CSMD1: variants seen among roughly 807,000 people sequenced by gnomAD.
The protein encoded by CSMD1 is CUB and sushi domain-containing protein 1.
In CSMD1, 213 loss-of-function variants were observed where a neutral mutation model predicts 417.5. The ratio of observed to expected loss-of-function variants is 0.51; its 90% CI spans 0.46 to 0.57. The LOEUF (loss-of-function observed/expected upper bound fraction) is 0.57. Ranked by LOEUF, CSMD1 falls within the 20% of genes least tolerant of loss-of-function variation. The pLI is 0.00. For synonymous variants in CSMD1, 2,862 were observed against 1,736.8 expected, an observed-to-expected ratio of 1.65 and a Z score of -16.11; for missense variants, 6,923 against 4,529.7, an observed-to-expected ratio of 1.53 and a Z score of -15.17.
chr8:4,421,735 C>T lies in CSMD1; in HGVS notation c.303-1670G>A, dbSNP rs1392945474. Among the ~76,000 whole-genome samples the T allele has an allele frequency of 3.3e-5, 5 of 151,678 alleles. No individual in the cohort carries two copies. In the East Asian group the frequency reaches 7.7e-4, roughly 24 times the overall value. On this transcript the variant is annotated intron_variant, in intron 2 of 69. Coordinates refer to ENST00000635120, the MANE Select transcript of CSMD1 (RefSeq NM_033225.6). ...ACTAAAAACACAGCTTAGAAAAACT[C>T]CCAAATCCCTAATCCAAATTCTTAT... is the stretch of plus-strand genomic sequence containing the variant.
rs767961947 is a variant in CSMD1 at position 3,586,202 on chromosome 8, T to A, written c.1156A>T (p.Ser386Cys). The part of the protein sequence containing the change: ...EDNYVLQGSK[S>C]ITCQRVTETL... ...TCTGTAACTCTCTGACAGGTGATGCTTTTAGATCCCTGGAGCACGTAATTG... is the reference window on the plus strand; with the variant it reads ...TCTGTAACTCTCTGACAGGTGATGCATTTAGATCCCTGGAGCACGTAATTG... Residue 386 changes from serine to cysteine, a missense_variant, in exon 9 of 70, where the codon AGC becomes TGC. Ser to Cys is a moderately radical substitution (Grantham distance 112). Transcript: ENST00000635120. 6.2e-7 allele frequency: 1 copy of A among 1,612,994 alleles called. No homozygotes were observed. Among genetic ancestry groups the A allele is most frequent in the Non-Finnish European group, 8.5e-7 (1 of 1,179,474 alleles).
At position 3,490,617 on chromosome 8, in the gene CSMD1, A is replaced by G. The variant is rs184919738; in HGVS notation, c.1448+3006T>C. On this transcript the variant is annotated intron_variant, in intron 11 of 69. Coordinates refer to ENST00000635120, the MANE Select transcript of CSMD1 (RefSeq NM_033225.6). ...CACAGGCTGGAAAAGTTTATTATAC[A>G]TATTTTATAGCCAGGAAAAGACAGG... 1.2e-3 allele frequency among the ~76,000 whole-genome samples: 184 copies of G among 152,298 alleles called. 1 individual carries two copies. Among genetic ancestry groups the G allele is most frequent in the African/African-American group, 4.2e-3 (175 of 41,576 alleles).
At chr8:4,517,447 G>C (rs1005326577) in intron 2 of CSMD1, among the ~76,000 whole-genome samples, 1 of 152,172 alleles carries the variant, frequency 6.6e-6, no homozygotes, top group Non-Finnish European at 1.5e-5. Flanking sequence ...GTATTTCACA[G>C]AGATGTGATC....
chr8:3,212,484 G>C (rs2116804323), intron 30 of CSMD1, among the ~76,000 whole-genome samples: 1 of 152,218 alleles, frequency 6.6e-6, no homozygotes, highest in South Asian at 2.1e-4. Context: ...AAGCAGCTGG[G>C]ACTACAGGCA....
intron 5 of CSMD1, among the ~76,000 whole-genome samples, chr8:3,914,916 C>T (rs1403511971): frequency 6.6e-6 from 1 of 152,066 alleles, no homozygotes; most frequent in Non-Finnish European, 1.5e-5. Flanking sequence ...TCAATAATTA[C>T]TGATTGAACT....
chr8:4,370,171 GA>G (rs1554448724), intron 3 of CSMD1, among the ~76,000 whole-genome samples: 2 of 152,086 alleles, frequency 1.3e-5, no homozygotes, highest in Non-Finnish European at 2.9e-5. Context: ...TGGCTTTCCT[GA>G]AAAGAATTTC....
At chr8:4,035,726 G>C (rs542912391) in intron 3 of CSMD1, among the ~76,000 whole-genome samples, 1 of 152,312 alleles carries the variant, frequency 6.6e-6, no homozygotes, top group South Asian at 2.1e-4. Context: ...TTACGGAAGA[G>C]TCAAATGCTT....
At chr8:4,336,041 T>C (rs1432789925) in intron 3 of CSMD1, among the ~76,000 whole-genome samples, 1 of 152,098 alleles carries the variant, frequency 6.6e-6, no homozygotes, top group Non-Finnish European at 1.5e-5. Flanking sequence ...TTTCCAAACT[T>C]CCTCCCTGTC....
rs555734540 is a variant in CSMD1, at chr8:4,635,961, G to C, written c.302+1381C>G. ...GTAGATGACTCAGAAAAAAAACTAG[G>C]TGTTTGAAAGTGGGTGAAAAAATGC... is the stretch of plus-strand genomic sequence containing the variant. On this transcript the variant is annotated intron_variant, in intron 2 of 69. Transcript: ENST00000635120. Among the ~76,000 whole-genome samples, 34 of 151,882 alleles carry C rather than the reference G, an allele frequency of 2.2e-4. 1 individual carries two copies. In the South Asian group the frequency reaches 6.2e-3, roughly 28 times the overall value.
At chr8:3,149,868 G>T (rs1207377452) in intron 40 of CSMD1, among the ~76,000 whole-genome samples, 1 of 152,158 alleles carries the variant, frequency 6.6e-6, no homozygotes, top group Non-Finnish European at 1.5e-5. Flanking sequence ...GATAGCTGCA[G>T]TTTGCCTCAG....
intron 1 of CSMD1, among the ~76,000 whole-genome samples, chr8:4,638,142 G>A (rs1266595905): frequency 6.6e-6 from 1 of 152,124 alleles, no homozygotes; most frequent in Non-Finnish European, 1.5e-5. Context: ...TTAAAATACA[G>A]CCTCATCAAT....
chr8:3,387,631 C>A lies in CSMD1; in HGVS notation c.2645G>T (p.Gly882Val). The A allele has an allele frequency of 6.3e-7, 1 of 1,599,966 alleles. No homozygotes were observed. Among genetic ancestry groups the A allele is most frequent in the Non-Finnish European group, 8.5e-7 (1 of 1,173,134 alleles). ...SCLDPGIPVN[G>V]HRHGGDFGIR... is the part of the protein sequence containing the mutation. ...GCCAAAGTCTCCACCGTGGCGATGG[C>A]CGTTCACAGGGATGCCCGGGTCCAG... The change falls in exon 18 of 70, where the codon GGC (glycine) becomes GTC (valine). Residue 882 changes from glycine (G) to valine (V), a missense_variant. Physicochemically the swap from Gly to Val is moderately radical, Grantham distance 109. Transcript: ENST00000635120.
intron 37 of CSMD1, among the ~76,000 whole-genome samples, chr8:3,177,466 A>C (rs983220030): frequency 7.2e-5 from 11 of 152,282 alleles, no homozygotes; most frequent in African/African-American, 2.2e-4. Context: ...TCAGGATCTC[A>C]TATTATACAT....
At chr8:3,794,879 C>G (rs1799956140) in intron 5 of CSMD1, among the ~76,000 whole-genome samples, 1 of 151,590 alleles carries the variant, frequency 6.6e-6, no homozygotes, top group South Asian at 2.1e-4. Flanking sequence ...TGATCTCTCT[C>G]TCTCTCTTAC....
intron 8 of CSMD1, among the ~76,000 whole-genome samples, chr8:3,615,747 TG>T (rs1295041331): frequency 2.0e-5 from 3 of 152,178 alleles, no homozygotes; most frequent in Non-Finnish European, 4.4e-5. Context: ...CTTAGCTCTG[TG>T]AACCTTTTTT....
At chr8:3,744,983 A>G (rs1796996391) in intron 6 of CSMD1, among the ~76,000 whole-genome samples, 1 of 152,130 alleles carries the variant, frequency 6.6e-6, no homozygotes, top group South Asian at 2.1e-4. Flanking sequence ...AGTAAAGCCT[A>G]GAGTAGCTGG....
chr8:4,235,193 T>C (rs1221379023), intron 3 of CSMD1, among the ~76,000 whole-genome samples: 2 of 152,082 alleles, frequency 1.3e-5, no homozygotes, highest in African/African-American at 4.8e-5. Context: ...CTCTCTCCTG[T>C]CCAAACTCAA....
intron 5 of CSMD1, among the ~76,000 whole-genome samples, chr8:3,792,505 T>G (rs1799808257): frequency 6.6e-6 from 1 of 152,200 alleles, no homozygotes; most frequent in Non-Finnish European, 1.5e-5. Context: ...TGCAACTCGC[T>G]GATTACTGTC....
At chr8:4,311,304 G>C (rs575045967) in intron 3 of CSMD1, among the ~76,000 whole-genome samples, 2 of 152,318 alleles carry the variant, frequency 1.3e-5, no homozygotes, top group East Asian at 1.9e-4. Flanking sequence ...GTACACCATG[G>C]AATACTATGC....
Sources: allele counts gnomAD v4.1 joint callset (sites outside exome capture counted in the v4.1 genomes callset), GRCh38; gene constraint gnomAD v4.1.1; transcripts MANE v1.5; gene names NCBI Gene and HGNC (gene_info 2026-07-23, HGNC 2026-07-21).